PTCHD4: variants seen among roughly 807,000 people sequenced by gnomAD.
PTCHD4 encodes patched domain containing 4, also known as patched domain-containing protein 4.
Under a neutral mutation model 58.1 loss-of-function variants are expected in PTCHD4, and 33 were observed. That is an observed-to-expected ratio of 0.57 (90% CI 0.43 to 0.76). PTCHD4 has a LOEUF of 0.76. Ranked by LOEUF, PTCHD4 falls within the 30% of genes least tolerant of loss-of-function variation. The pLI is 0.00. For synonymous variants in PTCHD4, 478 were observed against 409.6 expected, an observed-to-expected ratio of 1.17 and a Z score of -2.02; for missense variants, 1,058 against 1,027.1, an observed-to-expected ratio of 1.03 and a Z score of -0.41.
At chr6:48,024,598 T>C (rs1296997287) in intron 3 of PTCHD4, among the ~76,000 whole-genome samples, 1 of 152,160 alleles carries the variant, frequency 6.6e-6, no homozygotes, top group Non-Finnish European at 1.5e-5. Flanking sequence ...TTACCCTCCT[T>C]CACTGTAGGC....
At position 47,861,995 on chromosome 6, in the gene PTCHD4, G is replaced by A. The variant is rs144176893; in HGVS notation, c.*16308C>T. On this transcript the variant is annotated 3_prime_UTR_variant, in exon 5 of 5. Transcript: ENST00000339488. ...CTTCCAATCAGTTATTCTCTTTGTC[G>A]ACTTTTAGCTGTGACTTCCTATTAT... Among the ~76,000 whole-genome samples the A allele has an allele frequency of 1.6e-3, 238 of 151,864 alleles. 1 individual carries two copies. Among genetic ancestry groups the A allele is most frequent in the African/African-American group, 5.3e-3 (220 of 41,462 alleles).
intron 4 of PTCHD4, among the ~76,000 whole-genome samples, chr6:47,937,038 C>A (rs894413505): frequency 3.3e-5 from 5 of 152,266 alleles, no homozygotes; most frequent in Middle Eastern, 3.4e-3. Flanking sequence ...GTGGCTGGGG[C>A]AGAGTAAGCA....
chr6:48,048,082 C>T (rs1241590443), intron 3 of PTCHD4, among the ~76,000 whole-genome samples: 1 of 149,458 alleles, frequency 6.7e-6, no homozygotes, highest in East Asian at 2.0e-4. Flanking sequence ...TTACTAGTTA[C>T]CTGAAAAAGG....
At chr6:47,978,314 T>G (rs534531908) in intron 4 of PTCHD4, among the ~76,000 whole-genome samples, 12 of 152,268 alleles carry the variant, frequency 7.9e-5, no homozygotes, top group African/African-American at 2.9e-4. Context: ...CTACCATTAT[T>G]CCTCACACCA....
At chr6:48,100,573 A>C (rs1765582475) in intron 1 of PTCHD4, among the ~76,000 whole-genome samples, 2 of 152,202 alleles carry the variant, frequency 1.3e-5, no homozygotes, top group Non-Finnish European at 2.9e-5. Context: ...GAATTATAAG[A>C]ATATGAGCCT....
chr6:47,953,408 T>C (rs1766730175), intron 4 of PTCHD4, among the ~76,000 whole-genome samples: 2 of 152,188 alleles, frequency 1.3e-5, no homozygotes, highest in South Asian at 4.1e-4. Context: ...CAAGATGTCA[T>C]CTTTGTACAC....
chr6:47,990,010 G>T (rs1768222081), intron 4 of PTCHD4, among the ~76,000 whole-genome samples: 1 of 152,200 alleles, frequency 6.6e-6, no homozygotes, highest in Non-Finnish European at 1.5e-5. Context: ...GAGCTGCCAA[G>T]ACCATCGAAC....
At chr6:48,020,050 G>A (rs977219577) in intron 3 of PTCHD4, among the ~76,000 whole-genome samples, 5 of 151,946 alleles carry the variant, frequency 3.3e-5, no homozygotes, top group African/African-American at 1.2e-4. Context: ...AATGAAGGAG[G>A]GTAAGAGAAG....
chr6:48,066,099 C>CCTT (rs763897152), intron 3 of PTCHD4, among the ~76,000 whole-genome samples: 4 of 131,258 alleles, frequency 3.0e-5, no homozygotes, highest in African/African-American at 6.1e-5. Context: ...CTGACATCTA[C>CCTT]TTTTTTTTTT....
At chr6:48,059,655 C>T (rs1333025170) in intron 3 of PTCHD4, among the ~76,000 whole-genome samples, 2 of 151,816 alleles carry the variant, frequency 1.3e-5, no homozygotes, top group East Asian at 3.9e-4. Context: ...AACAAACAAA[C>T]AAAAAAGTAC....
chr6:47,900,483 G>A (rs182564839), intron 4 of PTCHD4: 1 of 152,242 alleles, frequency 6.6e-6, no homozygotes, highest in Non-Finnish European at 1.5e-5. Flanking sequence ...TTATTATTAA[G>A]CTGTAATAGT....
intron 4 of PTCHD4, among the ~76,000 whole-genome samples, chr6:47,994,830 T>C (rs928453222): frequency 3.3e-5 from 5 of 152,076 alleles, no homozygotes; most frequent in African/African-American, 7.2e-5. Flanking sequence ...TTGGATAGGG[T>C]GAGGGAATAC....
chr6:47,943,934 C>T (rs1321728022), intron 4 of PTCHD4, among the ~76,000 whole-genome samples: 1 of 151,876 alleles, frequency 6.6e-6, no homozygotes, highest in African/African-American at 2.4e-5. Context: ...CTATAAATTT[C>T]TTTTTAAACA....
At chr6:48,045,476 T>A (rs777950271) in intron 3 of PTCHD4, among the ~76,000 whole-genome samples, 5 of 151,846 alleles carry the variant, frequency 3.3e-5, no homozygotes, top group Non-Finnish European at 7.4e-5. Flanking sequence ...TGACAACAGA[T>A]GCCTAGCACT....
chr6:48,020,554 T>A (rs910392995), intron 3 of PTCHD4, among the ~76,000 whole-genome samples: 1 of 151,978 alleles, frequency 6.6e-6, no homozygotes, highest in African/African-American at 2.4e-5. Context: ...TAATAATACA[T>A]GTAGTGAATA....
intron 4 of PTCHD4, among the ~76,000 whole-genome samples, chr6:47,964,297 C>T (rs1470243313): frequency 6.6e-6 from 1 of 152,002 alleles, no homozygotes; most frequent in African/African-American, 2.4e-5. Flanking sequence ...TAGGAGGATA[C>T]AGCTCATGTT....
chr6:47,904,896 A>G (rs1194864703), intron 4 of PTCHD4, among the ~76,000 whole-genome samples: 1 of 152,180 alleles, frequency 6.6e-6, no homozygotes, highest in Non-Finnish European at 1.5e-5. Context: ...AAAACAATTT[A>G]CATTAGATGA....
chr6:48,035,232 C>T (rs1031967549), intron 3 of PTCHD4, among the ~76,000 whole-genome samples: 1 of 152,044 alleles, frequency 6.6e-6, no homozygotes, highest in Non-Finnish European at 1.5e-5. Flanking sequence ...GATGATAATA[C>T]ATCTAACAGC....
chr6:47,882,942 A>G (rs1440704359), intron 4 of PTCHD4, among the ~76,000 whole-genome samples: 1 of 151,504 alleles, frequency 6.6e-6, no homozygotes, highest in Non-Finnish European at 1.5e-5. Flanking sequence ...GTAAAGTGAT[A>G]GATGCCCAAA....
Sources: gnomAD v4.1 joint callset for allele counts (sites outside exome capture counted in the v4.1 genomes callset) on GRCh38, gnomAD v4.1.1 for gene constraint, MANE v1.5 for transcripts, NCBI Gene and HGNC (gene_info 2026-07-23, HGNC 2026-07-21) for gene names.